ATF7IP: variants seen among roughly 807,000 people sequenced by gnomAD.
ATF7IP encodes activating transcription factor 7-interacting protein 1.
A neutral mutation model predicts 106.4 loss-of-function variants in ATF7IP; 23 were observed. That is an observed-to-expected ratio of 0.22 (90% CI 0.16 to 0.31). The LOEUF is 0.31. Ranked by LOEUF, ATF7IP falls within the 10% of genes least tolerant of loss-of-function variation. ATF7IP has a pLI of 1.00. For missense variants in ATF7IP, 1,334 were observed against 1,524.3 expected (o/e 0.88, Z 2.08); for synonymous variants, 542 against 539.0 (o/e 1.01, Z -0.08).
At chr12:14,443,032 G>C (rs537321673) in intron 5 of ATF7IP, among the ~76,000 whole-genome samples, 38 of 152,136 alleles carry the variant, frequency 2.5e-4, no homozygotes, top group African/African-American at 9.1e-4. Context: ...GCACATCCCT[G>C]TAATCCCAGC....
chr12:14,393,534 A>G (rs1939688902), intron 1 of ATF7IP, among the ~76,000 whole-genome samples: 1 of 150,184 alleles, frequency 6.7e-6, no homozygotes, highest in Admixed American at 7.1e-5. Flanking sequence ...TTGATTGTCT[A>G]TATAAGTCTA....
At chr12:14,496,179 A>G (rs1945005891) in intron 13 of ATF7IP, 52 bp from the exon 14 acceptor site, 3 of 1,198,770 alleles carry the variant, frequency 2.5e-6, no homozygotes, top group East Asian at 2.4e-5. Context: ...TTTTCCACCA[A>G]ATTTACAATA....
At chr12:14,495,289 C>G (rs2136875842) in intron 13 of ATF7IP, among the ~76,000 whole-genome samples, 1 of 152,302 alleles carries the variant, frequency 6.6e-6, no homozygotes, top group Middle Eastern at 3.4e-3. Context: ...AGTTGACACT[C>G]AGTATTAACC....
intron 14 of ATF7IP, among the ~76,000 whole-genome samples, chr12:14,497,087 A>G (rs1945034919): frequency 6.6e-6 from 1 of 152,218 alleles, no homozygotes; most frequent in South Asian, 2.1e-4. Context: ...GCTGAAAGGT[A>G]CATGATTATT....
At chr12:14,425,798 T>C (rs958800456) in intron 2 of ATF7IP, among the ~76,000 whole-genome samples, 3 of 152,248 alleles carry the variant, frequency 2.0e-5, no homozygotes, top group African/African-American at 7.2e-5. Flanking sequence ...AGCAGTTCTT[T>C]CTTGCTATCA....
At chr12:14,411,668 A>C (rs1940920274) in intron 1 of ATF7IP, among the ~76,000 whole-genome samples, 1 of 152,150 alleles carries the variant, frequency 6.6e-6, no homozygotes, top group Non-Finnish European at 1.5e-5. Flanking sequence ...TTATATATTC[A>C]AGATACAAGT....
At chr12:14,478,681 A>C (rs530960920) in intron 12 of ATF7IP, among the ~76,000 whole-genome samples, 1 of 152,230 alleles carries the variant, frequency 6.6e-6, no homozygotes, top group Non-Finnish European at 1.5e-5. Context: ...AAAGAAAAGT[A>C]TATATTTATT....
intron 14 of ATF7IP, among the ~76,000 whole-genome samples, chr12:14,497,379 T>C (rs1945043387): frequency 6.6e-6 from 1 of 152,192 alleles, no homozygotes; most frequent in Non-Finnish European, 1.5e-5. Context: ...CAAAATGATG[T>C]TCCGTCAGCA....
intron 10 of ATF7IP, among the ~76,000 whole-genome samples, chr12:14,472,490 G>A (rs1265572976): frequency 7.9e-5 from 12 of 151,970 alleles, no homozygotes; most frequent in Non-Finnish European, 1.3e-4. Flanking sequence ...AGGTATATAC[G>A]CATACCTATT....
chr12:14,461,131 T>C lies in ATF7IP; in HGVS notation c.2795T>C (p.Ile932Thr), dbSNP rs868652340. 1.9e-6 allele frequency: 3 copies of C among 1,609,516 alleles called. No individual in the cohort carries two copies. Among genetic ancestry groups the C allele is most frequent in the Admixed American group, 3.3e-5 (2 of 59,710 alleles). Residue 932 changes from isoleucine to threonine, a missense_variant and splice_region_variant, in exon 9 of 15, where the codon ATT becomes ACT. By Grantham distance (89) the Ile-to-Thr change is moderately conservative (BLOSUM62 -1). This residue lies in a region of ATF7IP where 370 missense variants were observed against 401.2 expected (regional missense o/e 0.92). Coordinates refer to ENST00000261168, the MANE Select transcript of ATF7IP (RefSeq NM_018179.5). ...AEQNSNTTPR[I>T]ENQTNKTIDA... ...CAGAACAGCAATACCACCCCAAGAA[T>C]TGGTAAGTCACCATGTAGGTTTAAT...
chr12:14,435,117 CAGGA>C (rs1942342065), intron 3 of ATF7IP, among the ~76,000 whole-genome samples: 3 of 144,220 alleles, frequency 2.1e-5, no homozygotes, highest in Admixed American at 1.4e-4. Context: ...GGGAGGGAGA[CAGGA>C]AGGAAGGAAG....
At chr12:14,480,485 A>G (rs1312397578) in intron 12 of ATF7IP, among the ~76,000 whole-genome samples, 1 of 152,230 alleles carries the variant, frequency 6.6e-6, no homozygotes, top group East Asian at 1.9e-4. Flanking sequence ...CAGCTAAACA[A>G]AATGTGAATT....
chr12:14,389,917 C>A (rs1370736421), intron 1 of ATF7IP, among the ~76,000 whole-genome samples: 1 of 152,234 alleles, frequency 6.6e-6, no homozygotes, highest in Admixed American at 6.5e-5. Flanking sequence ...AGCCACCGCC[C>A]CCAGCCCCAT....
At chr12:14,493,151 A>G (rs1436023534) in intron 13 of ATF7IP, among the ~76,000 whole-genome samples, 3 of 152,222 alleles carry the variant, frequency 2.0e-5, no homozygotes, top group Non-Finnish European at 4.4e-5. Flanking sequence ...GAGCTGCAAC[A>G]TTAAATGCAG....
chr12:14,388,394 T>A (rs1013033454), intron 1 of ATF7IP, among the ~76,000 whole-genome samples: 1 of 151,424 alleles, frequency 6.6e-6, no homozygotes, highest in Non-Finnish European at 1.5e-5. Flanking sequence ...TCGCTGAGGC[T>A]GGAGTGTAGT....
chr12:14,381,380 G>A (rs1381234427), intron 1 of ATF7IP, among the ~76,000 whole-genome samples: 4 of 151,984 alleles, frequency 2.6e-5, no homozygotes, highest in Non-Finnish European at 4.4e-5. Flanking sequence ...CTACAGGTGC[G>A]CCACCATGCC....
intron 2 of ATF7IP, among the ~76,000 whole-genome samples, chr12:14,427,259 A>T (rs1388191811): frequency 6.6e-6 from 1 of 151,954 alleles, no homozygotes; most frequent in Non-Finnish European, 1.5e-5. Flanking sequence ...AGTACCTGGG[A>T]ATACAGACAT....
intron 1 of ATF7IP, among the ~76,000 whole-genome samples, chr12:14,400,044 G>C (rs1199985911): frequency 6.6e-6 from 1 of 152,190 alleles, no homozygotes; most frequent in Non-Finnish European, 1.5e-5. Flanking sequence ...TGCTGCCCTG[G>C]TTTAGCACTA....
At chr12:14,381,735 CAT>C (rs1939009980) in intron 1 of ATF7IP, among the ~76,000 whole-genome samples, 3 of 152,008 alleles carry the variant, frequency 2.0e-5, no homozygotes, top group African/African-American at 7.3e-5. Context: ...ATAAATAAAA[CAT>C]ATATTTACTC....
Sources: allele counts gnomAD v4.1 joint callset (sites outside exome capture counted in the v4.1 genomes callset), GRCh38; gene constraint gnomAD v4.1.1; regional missense constraint gnomAD v4.1.1; transcripts MANE v1.5; gene names NCBI Gene and HGNC (gene_info 2026-07-23, HGNC 2026-07-21).